The following ANAPC4 variants were observed in gnomAD, a reference collection of about 807,000 sequenced individuals.
ANAPC4 encodes anaphase promoting complex subunit 4.
Under a neutral mutation model 119.8 loss-of-function variants are expected in ANAPC4, and 63 were observed. That is an observed-to-expected ratio of 0.53 (90% confidence interval 0.43 to 0.65). The LOEUF (loss-of-function observed/expected upper bound fraction) is 0.65. ANAPC4 is among the 30% of genes least tolerant of loss of function. ANAPC4 has a pLI of 0.00. For synonymous variants in ANAPC4, 283 were observed against 318.6 expected (o/e 0.89, Z 1.19); for missense variants, 716 against 945.1 (o/e 0.76, Z 3.18).
chr4:25,410,341 G>T (rs887726986), intron 21 of ANAPC4, among the ~76,000 whole-genome samples: 1 of 152,170 alleles, frequency 6.6e-6, no homozygotes, highest in Non-Finnish European at 1.5e-5. Context: ...ATATTTTAAA[G>T]CTCGTATTTC....
At chr4:25,400,115 A>G (rs572913665) in intron 16 of ANAPC4, among the ~76,000 whole-genome samples, 1 of 152,360 alleles carries the variant, frequency 6.6e-6, no homozygotes, top group African/African-American at 2.4e-5. Flanking sequence ...GACAGCAAAT[A>G]TAGCCTCTTG....
intron 9 of ANAPC4, among the ~76,000 whole-genome samples, chr4:25,391,414 A>G (rs1350525818): frequency 6.6e-6 from 1 of 152,248 alleles, no homozygotes; most frequent in Non-Finnish European, 1.5e-5. Context: ...ATAGGCAGAT[A>G]CTGTTATTAT....
intron 3 of ANAPC4, 86 bp downstream of exon 3, chr4:25,380,565 C>T: frequency 4.2e-6 from 4 of 943,120 alleles, no homozygotes; most frequent in Non-Finnish European, 6.1e-6. Flanking sequence ...ATTTATTGTT[C>T]TTAGTATACA....
chr4:25,392,461 C>T (rs781603755), intron 10 of ANAPC4, 40 bp downstream of exon 10: 15 of 1,502,138 alleles, frequency 1.0e-5, no homozygotes, highest in East Asian at 4.5e-5. Context: ...TATTTATTAT[C>T]GGCTTCTAAA....
chr4:25,391,564 C>A (rs1722348798), intron 9 of ANAPC4, among the ~76,000 whole-genome samples: 2 of 152,176 alleles, frequency 1.3e-5, no homozygotes, highest in African/African-American at 4.8e-5. Context: ...GTAAAATGAT[C>A]ACTTAATATT....
At chr4:25,402,889 G>A in intron 16 of ANAPC4, 82 bp from the exon 17 acceptor site, 1 of 737,896 alleles carries the variant, frequency 1.4e-6, no homozygotes, top group Non-Finnish European at 2.2e-6. Context: ...TAAGGATTAT[G>A]ATATTTCCTG....
At chr4:25,407,929 C>T (rs13122898) in intron 20 of ANAPC4, among the ~76,000 whole-genome samples, 3,961 of 152,050 alleles carry the variant, frequency 0.026, 92 homozygotes, top group South Asian at 0.11. Flanking sequence ...AGAATATACC[C>T]ATTACTATTA....
Position 25,377,451 on chromosome 4 carries a change from C to G in ANAPC4, c.24C>G (p.Phe8Leu). MLRFPTC[F>L]PSFRVVGEKQ... ...CCATGTTGCGTTTTCCGACCTGTTT[C>G]CCATCCTTCCGGGTGGTGGGAGAGA... The change falls in exon 2 of 29, where the codon TTC (phenylalanine) becomes TTG (leucine). Residue 8 changes from phenylalanine to leucine, a missense_variant. By Grantham distance (22) the Phe-to-Leu change is conservative. Transcript: ENST00000315368. 1 of 1,614,102 alleles carries G rather than the reference C, an allele frequency of 6.2e-7. No homozygotes were observed.
intron 10 of ANAPC4, among the ~76,000 whole-genome samples, chr4:25,393,281 T>A (rs1417490917): frequency 6.6e-6 from 1 of 152,230 alleles, no homozygotes; most frequent in Non-Finnish European, 1.5e-5. Context: ...AAGAATGTTT[T>A]ATTATGAAAT....
intron 16 of ANAPC4, among the ~76,000 whole-genome samples, chr4:25,401,060 C>G (rs1722937277): frequency 6.6e-6 from 1 of 152,094 alleles, no homozygotes; most frequent in African/African-American, 2.4e-5. Flanking sequence ...AAAGTGTTCT[C>G]CTGTTTCTTT....
chr4:25,416,659 A>AAT, intron 27 of ANAPC4, 61 bp downstream of exon 27: 1 of 1,318,748 alleles, frequency 7.6e-7, no homozygotes, highest in African/African-American at 1.5e-5. Context: ...GCACATTATA[A>AAT]ATTCCAACCT....
At position 25,396,658 on chromosome 4, in the gene ANAPC4, G is replaced by A; in HGVS notation, c.1062-6G>A. ...ATACTAATTTATTTCTGCTCTGTTT[G>A]GATAGTGGCTCGGAGTCTTTATTAT... On this transcript the variant is annotated splice_polypyrimidine_tract_variant and splice_region_variant and intron_variant, in intron 14 of 28. Coordinates refer to ENST00000315368, the MANE Select transcript of ANAPC4 (RefSeq NM_013367.3). 1 of 1,593,610 alleles carries A rather than the reference G, an allele frequency of 6.3e-7. No individual in the cohort carries two copies. Among genetic ancestry groups the A allele is most frequent in the Non-Finnish European group, 8.5e-7 (1 of 1,170,468 alleles).
intron 14 of ANAPC4, 176 bp downstream of exon 14, chr4:25,395,081 A>C (rs1469470890): frequency 1.9e-6 from 1 of 538,918 alleles, no homozygotes; most frequent in African/African-American, 2.0e-5. Context: ...GTCAATAATA[A>C]TTCTGCTTTA....
At chr4:25,393,994 A>C (rs184891908) in intron 11 of ANAPC4, 103 bp downstream of exon 11, 1 of 974,056 alleles carries the variant, frequency 1.0e-6, no homozygotes, top group East Asian at 2.9e-5. Context: ...TAAAAGGCTA[A>C]GATCATAATT....
Position 25,416,533 on chromosome 4 carries a change from T to G in ANAPC4, c.2010T>G (p.Pro670=). Residue 670 remains proline (P), a synonymous_variant, in exon 27 of 29, where the codon CCT becomes CCG. Coordinates refer to ENST00000315368, the MANE Select transcript of ANAPC4 (RefSeq NM_013367.3). The part of the protein sequence containing the change: ...EGRDRLLVQL[P]LSLVYNSEDS... ...GAGATAGACTCTTGGTCCAGCTGCC[T>G]TTGTCTTTAGTATATAACAGTGAAG... The G allele has an allele frequency of 6.2e-7, 1 of 1,606,652 alleles. No individual in the cohort carries two copies. The highest frequency in any genetic ancestry group is 8.5e-7 in the Non-Finnish European group (1 of 1,174,716).
chr4:25,385,727 A>G (rs1387102591), intron 4 of ANAPC4, among the ~76,000 whole-genome samples: 1 of 152,154 alleles, frequency 6.6e-6, no homozygotes, highest in Non-Finnish European at 1.5e-5. Flanking sequence ...TTCCTCTCTA[A>G]GCCTAATCAT....
At chr4:25,399,459 C>CTT (rs57772326) in intron 16 of ANAPC4, among the ~76,000 whole-genome samples, 1 of 151,188 alleles carries the variant, frequency 6.6e-6, no homozygotes, top group Admixed American at 6.6e-5. Context: ...GTCTGTGTAT[C>CTT]TTTTTTTATG....
intron 20 of ANAPC4, 110 bp from the exon 21 acceptor site, chr4:25,409,588 T>C (rs1723450317): frequency 2.7e-6 from 2 of 731,626 alleles, no homozygotes; most frequent in African/African-American, 3.6e-5. Flanking sequence ...TTTTAGGCCC[T>C]AAGTCTTTGA....
intron 16 of ANAPC4, among the ~76,000 whole-genome samples, chr4:25,401,146 C>G (rs532429507): frequency 6.6e-6 from 1 of 152,188 alleles, no homozygotes; most frequent in African/African-American, 2.4e-5. Context: ...AATTAGATTG[C>G]TGTTCCCTGA....
Sources: gnomAD v4.1 joint callset for allele counts (sites outside exome capture counted in the v4.1 genomes callset) on GRCh38, gnomAD v4.1.1 for gene constraint, MANE v1.5 for transcripts, NCBI Gene and HGNC (gene_info 2026-07-23, HGNC 2026-07-21) for gene names.